The following EXTL3 variants were observed in gnomAD, a reference collection of about 807,000 sequenced individuals.
EXTL3 encodes the protein exostosin-like 3.
Under a neutral mutation model 69.3 loss-of-function variants are expected in EXTL3, and 27 were observed. The ratio of observed to expected loss-of-function variants is 0.39; its 90% CI spans 0.29 to 0.54. The LOEUF is 0.54. EXTL3 is among the 20% of genes least tolerant of loss of function. EXTL3 has a pLI of 0.69. For synonymous variants in EXTL3, 511 were observed against 499.4 expected, an observed-to-expected ratio of 1.02 and a Z score of -0.31; for missense variants, 1,003 against 1,231.8, an observed-to-expected ratio of 0.81 and a Z score of 2.78.
intron 4 of EXTL3, among the ~76,000 whole-genome samples, chr8:28,735,943 T>C (rs1454900045): frequency 6.6e-6 from 1 of 152,120 alleles, no homozygotes; most frequent in South Asian, 2.1e-4. Context: ...GTGAGGCCCC[T>C]AGGTAGTCAT....
chr8:28,711,214 T>A (rs1415831598), intron 1 of EXTL3, among the ~76,000 whole-genome samples: 1 of 152,206 alleles, frequency 6.6e-6, no homozygotes, highest in Non-Finnish European at 1.5e-5. Context: ...GAAATTTGTG[T>A]CTTTTCCCTT....
intron 3 of EXTL3, among the ~76,000 whole-genome samples, chr8:28,720,583 G>A (rs1269024982): frequency 6.6e-6 from 1 of 152,198 alleles, no homozygotes; most frequent in African/African-American, 2.4e-5. Context: ...CTAGCTTAGA[G>A]TGAAGGTGAT....
At chr8:28,749,194 T>C (rs536564810) in intron 6 of EXTL3, among the ~76,000 whole-genome samples, 111 of 150,632 alleles carry the variant, frequency 7.4e-4, no homozygotes, top group African/African-American at 2.7e-3. Flanking sequence ...TGAACACATA[T>C]AACAAACAGG....
Position 28,754,696 on chromosome 8 carries a change from C to T in EXTL3, c.*3830C>T, listed in dbSNP as rs1802080898. On this transcript the variant is annotated 3_prime_UTR_variant, in exon 7 of 7. Coordinates refer to ENST00000220562, the MANE Select transcript of EXTL3 (RefSeq NM_001440.4). Reference sequence around the variant, plus strand: ...GTTGTGTCTTGGACTTACGGTCTGCCAAGGTGGTAAATGTTAGCTGTTGAT... The same window carrying T: ...GTTGTGTCTTGGACTTACGGTCTGCTAAGGTGGTAAATGTTAGCTGTTGAT... 6.6e-6 allele frequency: 1 copy of T among 152,162 alleles called. No homozygotes were observed. The highest frequency in any genetic ancestry group is 6.5e-5 in the Admixed American group (1 of 15,268). The allele number at this position is 152,162 out of a possible 1,614,324, so 9.4% of individuals were successfully genotyped here.
intron 1 of EXTL3, among the ~76,000 whole-genome samples, chr8:28,676,641 C>G (rs1222498535): frequency 6.6e-6 from 1 of 152,138 alleles, no homozygotes; most frequent in Non-Finnish European, 1.5e-5. Flanking sequence ...ACACAAATAA[C>G]CAAATCAACC....
intron 1 of EXTL3, among the ~76,000 whole-genome samples, chr8:28,652,447 A>C (rs1806939043): frequency 6.6e-6 from 1 of 152,016 alleles, no homozygotes; most frequent in Non-Finnish European, 1.5e-5. Context: ...GCTTGAGCCC[A>C]GGAGTTCCAG....
In EXTL3 at chr8:28,731,282, G is replaced by GA. The variant is rs1801532898; in HGVS notation, c.2209dup (p.Thr737AsnfsTer8). 1 of 1,614,106 alleles carries GA rather than the reference G, an allele frequency of 6.2e-7. No individual in the cohort carries two copies. The highest frequency in any genetic ancestry group is 8.5e-7 in the Non-Finnish European group (1 of 1,180,040). ...GATTCTTACCCTGGAATGAAATTGAGACAGAGGCCATCCTGTCCATTGATG... is the reference window on the plus strand; with the variant it reads ...GATTCTTACCCTGGAATGAAATTGAGAACAGAGGCCATCCTGTCCATTGATG... On this transcript the variant is annotated frameshift_variant, in exon 4 of 7. Coordinates refer to ENST00000220562, the MANE Select transcript of EXTL3 (RefSeq NM_001440.4). LOFTEE classifies it high-confidence loss of function.
chr8:28,671,171 G>A lies in EXTL3; in HGVS notation c.-52-42286G>A, dbSNP rs560724406. 9.9e-5 allele frequency among the ~76,000 whole-genome samples: 15 copies of A among 151,936 alleles called. No individual in the cohort carries two copies. In the South Asian group the frequency reaches 2.9e-3, roughly 30 times the overall value. On this transcript the variant is annotated intron_variant, in intron 1 of 6. Coordinates refer to the EXTL3 transcript ENST00000523149. ...AATTTTTTGTATTTTTAGTAGAGAC[G>A]GAGTTTCACCATGTTGGCTAGGCTA...
At chr8:28,709,725 T>C (rs991167977) in intron 1 of EXTL3, among the ~76,000 whole-genome samples, 5 of 152,236 alleles carry the variant, frequency 3.3e-5, no homozygotes, top group Non-Finnish European at 7.3e-5. Flanking sequence ...ATGGTTGTTA[T>C]ATCAACAAAC....
At chr8:28,746,713 T>C (rs1585299825) in intron 6 of EXTL3, among the ~76,000 whole-genome samples, 1 of 152,326 alleles carries the variant, frequency 6.6e-6, no homozygotes, top group South Asian at 2.1e-4. Context: ...GTCTCGCTCT[T>C]TTGCTAGGCT....
intron 1 of EXTL3, among the ~76,000 whole-genome samples, chr8:28,640,829 T>G (rs1469334531): frequency 6.6e-6 from 1 of 152,224 alleles, no homozygotes; most frequent in Non-Finnish European, 1.5e-5. Flanking sequence ...CTCAAACTCC[T>G]GGGCTCACGT....
At chr8:28,746,398 G>A (rs139086203) in intron 6 of EXTL3, among the ~76,000 whole-genome samples, 9 of 152,278 alleles carry the variant, frequency 5.9e-5, no homozygotes, top group African/African-American at 1.2e-4. Context: ...TAAGGAAGCC[G>A]AAATGCAAGT....
chr8:28,756,090 A>G (rs1158940621), downstream of EXTL3, among the ~76,000 whole-genome samples: 1 of 152,204 alleles, frequency 6.6e-6, no homozygotes, highest in Non-Finnish European at 1.5e-5. Context: ...TTTTTAATGT[A>G]AACTTTATTT....
At chr8:28,656,154 C>T (rs868185858) in intron 1 of EXTL3, among the ~76,000 whole-genome samples, 9 of 149,968 alleles carry the variant, frequency 6.0e-5, no homozygotes, top group African/African-American at 2.2e-4. Context: ...TATCCGTGAG[C>T]AATCAGAAGG....
chr8:28,671,308 T>C (rs1344913660), intron 1 of EXTL3, among the ~76,000 whole-genome samples: 2 of 141,878 alleles, frequency 1.4e-5, no homozygotes, highest in African/African-American at 5.7e-5. Flanking sequence ...TTTTGTTTTT[T>C]GTTTTTTTTT....
chr8:28,755,928 C>T (rs970617981), downstream of EXTL3, among the ~76,000 whole-genome samples: 4 of 152,104 alleles, frequency 2.6e-5, no homozygotes, highest in Non-Finnish European at 5.9e-5. Context: ...TTGGAGCGTC[C>T]CATCTACCCA....
upstream of EXTL3, chr8:28,701,373 C>A (rs1400138525): frequency 7.9e-5 from 12 of 152,032 alleles, no homozygotes; most frequent in Non-Finnish European, 1.6e-4. Context: ...GGTGTCACCG[C>A]GGAGCTGCGG....
chr8:28,731,810 T>C (rs898680047), intron 4 of EXTL3, among the ~76,000 whole-genome samples: 3 of 151,696 alleles, frequency 2.0e-5, no homozygotes, highest in Non-Finnish European at 2.9e-5. Flanking sequence ...CCAAAAAGAT[T>C]TGGGGGAAGG....
Position 28,716,324 on chromosome 8 carries a change from G to T in EXTL3, c.265G>T (p.Val89Leu). The part of the protein sequence containing the change: ...VLDLCRIRES[V>L]SEELLQLEAK... Reference sequence around the variant, plus strand: ...GGATCTGTGCCGCATCCGGGAGTCGGTGAGTGAAGAGCTCCTGCAGCTGGA... The same window carrying T: ...GGATCTGTGCCGCATCCGGGAGTCGTTGAGTGAAGAGCTCCTGCAGCTGGA... Residue 89 changes from valine to leucine, a missense_variant, in exon 3 of 7, where the codon GTG becomes TTG. Physicochemically the swap from Val to Leu is conservative, Grantham distance 32. Coordinates refer to ENST00000220562, the MANE Select transcript of EXTL3 (RefSeq NM_001440.4). This position sits in a 1 kb window ranked among gnomAD's most constrained non-coding sequence, Gnocchi z 7.1. 6.2e-7 allele frequency: 1 copy of T among 1,614,204 alleles called. No homozygotes were observed.
Sources: gnomAD v4.1 joint callset for allele counts (sites outside exome capture counted in the v4.1 genomes callset) on GRCh38, gnomAD v4.1.1 for gene constraint, Gnocchi (gnomAD v3.1) non-coding constraint, MANE v1.5 for transcripts, NCBI Gene and HGNC (gene_info 2026-07-23, HGNC 2026-07-21) for gene names.